SHISA9: variants seen among roughly 807,000 people sequenced by gnomAD.
SHISA9 encodes shisa family member 9, also known as protein shisa-9.
SHISA9 carries 13 observed loss-of-function variants against 38.0 expected under a neutral mutation model. The observed-to-expected ratio is 0.34, with a 90% CI of 0.22 to 0.54. The LOEUF (loss-of-function observed/expected upper bound fraction) is 0.54, where lower values mean the gene tolerates loss of function less well. SHISA9 is among the 20% of genes least tolerant of loss of function. The pLI is 0.91. For synonymous variants in SHISA9, 275 were observed against 242.0 expected (o/e 1.14, Z -1.27); for missense variants, 538 against 575.8 (o/e 0.93, Z 0.67).
chr16:13,311,108 A>G, the SHISA9 span, among the ~76,000 whole-genome samples: 14 of 152,244 alleles, frequency 9.2e-5, no homozygotes, highest in Admixed American at 2.0e-4. Context: ...CAGGGCCTAG[A>G]AGATACTCTG....
At chr16:13,434,268 G>A in the SHISA9 span, among the ~76,000 whole-genome samples, 1 of 152,128 alleles carries the variant, frequency 6.6e-6, no homozygotes, top group Non-Finnish European at 1.5e-5. Context: ...CCCAGATTGA[G>A]GGTAGGCCTT....
At chr16:13,403,123 A>T in the SHISA9 span, among the ~76,000 whole-genome samples, 1 of 151,664 alleles carries the variant, frequency 6.6e-6, no homozygotes, top group African/African-American at 2.4e-5. Flanking sequence ...AAAAAAAAAA[A>T]ACCAAAGAAA....
At chr16:13,356,505 C>T in the SHISA9 span, among the ~76,000 whole-genome samples, 11 of 152,034 alleles carry the variant, frequency 7.2e-5, no homozygotes, top group East Asian at 1.9e-4. Flanking sequence ...GGGCTAGTCA[C>T]GGAACGAAAC....
At chr16:13,043,872 G>A (rs925790313) in intron 2 of SHISA9, among the ~76,000 whole-genome samples, 3 of 152,104 alleles carry the variant, frequency 2.0e-5, no homozygotes, top group Non-Finnish European at 4.4e-5. Context: ...TGTCCTTCTG[G>A]GGTCCTGTAA....
chr16:13,351,244 C>T, the SHISA9 span, among the ~76,000 whole-genome samples: 1 of 152,112 alleles, frequency 6.6e-6, no homozygotes. Flanking sequence ...TGTCACGAAC[C>T]GCTTGTTCTT....
chr16:13,418,910 CA>C, the SHISA9 span, among the ~76,000 whole-genome samples: 1 of 152,194 alleles, frequency 6.6e-6, no homozygotes, highest in Non-Finnish European at 1.5e-5. Flanking sequence ...TTAGTGACCA[CA>C]GCTAATAGCC....
the SHISA9 span, among the ~76,000 whole-genome samples, chr16:13,551,992 A>C: frequency 6.6e-6 from 1 of 152,108 alleles, no homozygotes. Context: ...TCACCACTGC[A>C]CTCCAGCCTG....
chr16:13,151,312 G>A (rs1243257384), intron 2 of SHISA9, among the ~76,000 whole-genome samples: 1 of 151,922 alleles, frequency 6.6e-6, no homozygotes, highest in African/African-American at 2.4e-5. Context: ...TCACCATGTT[G>A]GCCAGGCTGG....
intron 2 of SHISA9, among the ~76,000 whole-genome samples, chr16:13,085,148 C>T (rs1373270287): frequency 6.6e-6 from 1 of 152,132 alleles, no homozygotes. Flanking sequence ...ATATGGTGGA[C>T]TCAACTGGCA....
chr16:13,386,341 C>T, the SHISA9 span, among the ~76,000 whole-genome samples: 2 of 152,164 alleles, frequency 1.3e-5, no homozygotes, highest in African/African-American at 2.4e-5. Context: ...AGGATCTCCT[C>T]CACCTCACCC....
At chr16:13,007,527 T>G (rs991182698) in intron 2 of SHISA9, among the ~76,000 whole-genome samples, 5 of 152,172 alleles carry the variant, frequency 3.3e-5, no homozygotes, top group Non-Finnish European at 7.3e-5. Context: ...GCCAGAGGAA[T>G]CTAAGATCCC....
chr16:13,026,130 A>C (rs1000376640), intron 2 of SHISA9, among the ~76,000 whole-genome samples: 1 of 152,236 alleles, frequency 6.6e-6, no homozygotes, highest in African/African-American at 2.4e-5. Context: ...TGTATAATAC[A>C]GTATTGTTAA....
the SHISA9 span, among the ~76,000 whole-genome samples, chr16:13,538,403 A>C: frequency 6.6e-6 from 1 of 152,226 alleles, no homozygotes; most frequent in Admixed American, 6.5e-5. Flanking sequence ...TTATCTAAAC[A>C]CTTGAAGTAG....
At chr16:13,378,043 C>G in the SHISA9 span, among the ~76,000 whole-genome samples, 125 of 152,016 alleles carry the variant, frequency 8.2e-4, no homozygotes, top group Non-Finnish European at 1.4e-3. Flanking sequence ...AACAACACCA[C>G]CAACAAAAAT....
At chr16:13,272,951 A>G in the SHISA9 span, among the ~76,000 whole-genome samples, 1 of 151,808 alleles carries the variant, frequency 6.6e-6, no homozygotes, top group Non-Finnish European at 1.5e-5. Context: ...TTTATTTGTG[A>G]TGTTAAACTC....
chr16:12,989,579 T>C (rs1312295989), intron 2 of SHISA9, among the ~76,000 whole-genome samples: 1 of 152,148 alleles, frequency 6.6e-6, no homozygotes, highest in Non-Finnish European at 1.5e-5. Flanking sequence ...GGTTTGGGAC[T>C]GAGCCACCAC....
intron 2 of SHISA9, among the ~76,000 whole-genome samples, chr16:12,960,903 G>A (rs748873821): frequency 1.4e-4 from 22 of 152,140 alleles, no homozygotes; most frequent in Non-Finnish European, 2.9e-4. Flanking sequence ...GGGACTCAGT[G>A]ATGAATTAAA....
chr16:12,952,447 GT>G (rs1338023295), intron 2 of SHISA9, among the ~76,000 whole-genome samples: 4 of 152,174 alleles, frequency 2.6e-5, no homozygotes, highest in Non-Finnish European at 5.9e-5. Context: ...TGTCTTCAGT[GT>G]CCTCCTGTTA....
chr16:12,978,632 C>T (rs1238903530), intron 2 of SHISA9, among the ~76,000 whole-genome samples: 1 of 152,058 alleles, frequency 6.6e-6, no homozygotes, highest in African/African-American at 2.4e-5. Context: ...ATAAATAGCC[C>T]CAAAGGAGTG....
Sources: gnomAD v4.1 joint callset for allele counts (sites outside exome capture counted in the v4.1 genomes callset) on GRCh38, gnomAD v4.1.1 for gene constraint, MANE v1.5 for transcripts, NCBI Gene and HGNC (gene_info 2026-07-23, HGNC 2026-07-21) for gene names.